TNIK: variants seen among roughly 807,000 people sequenced by gnomAD.
TNIK encodes TRAF2 and NCK interacting kinase, also known as TRAF2 and NCK-interacting protein kinase.
A neutral mutation model predicts 191.3 loss-of-function variants in TNIK; 49 were observed. The observed-to-expected ratio is 0.26, with a 90% CI of 0.20 to 0.32. The LOEUF is 0.32. Ranked by LOEUF, TNIK falls within the 10% of genes least tolerant of loss-of-function variation. The probability of loss-of-function intolerance (pLI) is 1.00; values close to 1 mark genes in which losing one functional copy is unlikely to be tolerated. For synonymous variants in TNIK, 594 were observed against 600.9 expected, an observed-to-expected ratio of 0.99 and a Z score of 0.17; for missense variants, 1,155 against 1,702.3, an observed-to-expected ratio of 0.68 and a Z score of 5.66.
chr3:171,143,218 G>T (rs1731091900), intron 12 of TNIK, among the ~76,000 whole-genome samples: 1 of 152,168 alleles, frequency 6.6e-6, no homozygotes, highest in Non-Finnish European at 1.5e-5. Context: ...CCTTCTGAGG[G>T]CACCCTGCCA....
In TNIK at chr3:171,209,753, C is replaced by G. The variant is rs150733389; in HGVS notation, c.306+1363G>C. ...GATGAGCCTTATGGAAAAAAAAAAT[C>G]CCAATGGTTCTTTTCATTTCCAAAG... On this transcript the variant is annotated intron_variant, in intron 4 of 32. Transcript: ENST00000436636. 2.5e-3 allele frequency among the ~76,000 whole-genome samples: 376 copies of G among 152,024 alleles called. 1 individual carries two copies. The highest frequency in any genetic ancestry group is 8.3e-3 in the African/African-American group (346 of 41,494).
At position 171,128,089 on chromosome 3, in the gene TNIK, C is replaced by T. The variant is rs571493499; in HGVS notation, c.1773+625G>A. Among the ~76,000 whole-genome samples, 5 of 152,258 alleles carry T rather than the reference C, an allele frequency of 3.3e-5. No homozygotes were observed. The South Asian group carries it at 8.3e-4, about 25-fold the overall frequency. ...CCCTATAGCTTTTAATAGTTGTTCT[C>T]AAACTCTAAAGTACATTAGAATCAC... On this transcript the variant is annotated intron_variant, in intron 16 of 32. Transcript: ENST00000436636.
intron 26 of TNIK, 80 bp from the exon 27 acceptor site, chr3:171,082,474 G>A: frequency 6.6e-7 from 1 of 1,514,518 alleles, no homozygotes; most frequent in Non-Finnish European, 8.9e-7. Flanking sequence ...TAAAATTTAA[G>A]AAACTGTGAC....
intron 2 of TNIK, among the ~76,000 whole-genome samples, chr3:171,325,043 A>G (rs1370501329): frequency 6.6e-6 from 1 of 152,020 alleles, no homozygotes; most frequent in African/African-American, 2.4e-5. Context: ...GGAGCTTGCA[A>G]TGAGCTGAGA....
At chr3:171,130,472 A>T (rs139192722) in intron 15 of TNIK, among the ~76,000 whole-genome samples, 1 of 152,338 alleles carries the variant, frequency 6.6e-6, no homozygotes, top group Admixed American at 6.5e-5. Flanking sequence ...AAACCAGAAC[A>T]TGTGTACTTT....
chr3:171,431,185 A>G (rs1042740568), intron 1 of TNIK, among the ~76,000 whole-genome samples: 5 of 152,110 alleles, frequency 3.3e-5, no homozygotes, highest in Admixed American at 3.3e-4. Context: ...CCTACATAAA[A>G]AGGAAAATAA....
At chr3:171,161,747 T>C (rs889737610) in intron 10 of TNIK, among the ~76,000 whole-genome samples, 2 of 151,336 alleles carry the variant, frequency 1.3e-5, no homozygotes, top group Non-Finnish European at 2.9e-5. Context: ...CAAAACCCCG[T>C]CTCTACTAAA....
chr3:171,344,880 A>G (rs1711912398), intron 2 of TNIK, among the ~76,000 whole-genome samples: 2 of 152,176 alleles, frequency 1.3e-5, no homozygotes, highest in South Asian at 4.1e-4. Context: ...TTTGCAACAC[A>G]GTTCTCATAA....
At chr3:171,119,625 A>G (rs1279971990) in intron 18 of TNIK, among the ~76,000 whole-genome samples, 2 of 152,212 alleles carry the variant, frequency 1.3e-5, no homozygotes, top group African/African-American at 4.8e-5. Context: ...ATAAAAAATG[A>G]TAAGTTCATG....
At chr3:171,357,931 T>G (rs1338626122) in intron 2 of TNIK, among the ~76,000 whole-genome samples, 1 of 152,080 alleles carries the variant, frequency 6.6e-6, no homozygotes, top group Non-Finnish European at 1.5e-5. Flanking sequence ...CATAGGAACC[T>G]GTGACTGGGG....
At chr3:171,218,478 A>G (rs1741732949) in intron 3 of TNIK, among the ~76,000 whole-genome samples, 1 of 151,932 alleles carries the variant, frequency 6.6e-6, no homozygotes, top group South Asian at 2.1e-4. Flanking sequence ...TATATCTTCA[A>G]GGATCCTAGA....
intron 2 of TNIK, among the ~76,000 whole-genome samples, chr3:171,276,495 G>A (rs555588431): frequency 6.6e-6 from 1 of 152,206 alleles, no homozygotes; most frequent in East Asian, 1.9e-4. Flanking sequence ...AATGGCATTT[G>A]GAAATTCCAT....
chr3:171,173,841 G>A (rs1331822437), intron 9 of TNIK, among the ~76,000 whole-genome samples: 1 of 152,092 alleles, frequency 6.6e-6, no homozygotes, highest in South Asian at 2.1e-4. Flanking sequence ...CCTAGCAGAG[G>A]GCTTTGTAGT....
At chr3:171,390,434 A>G (rs1175215647) in intron 1 of TNIK, among the ~76,000 whole-genome samples, 4 of 152,138 alleles carry the variant, frequency 2.6e-5, no homozygotes, top group Non-Finnish European at 5.9e-5. Context: ...ACCACCTTCG[A>G]TCTCTTTTTA....
chr3:171,440,766 T>C (rs1483394469), intron 1 of TNIK, among the ~76,000 whole-genome samples: 1 of 152,146 alleles, frequency 6.6e-6, no homozygotes, highest in Non-Finnish European at 1.5e-5. Flanking sequence ...AATGAACAAA[T>C]GGCACATTAT....
chr3:171,150,551 TTGG>T (rs1417504188), intron 12 of TNIK, among the ~76,000 whole-genome samples: 1 of 152,216 alleles, frequency 6.6e-6, no homozygotes, highest in Non-Finnish European at 1.5e-5. Flanking sequence ...ATGCAGCCAC[TTGG>T]TGGCAATGAT....
chr3:171,405,070 T>C (rs1371090336), intron 1 of TNIK, among the ~76,000 whole-genome samples: 1 of 152,196 alleles, frequency 6.6e-6, no homozygotes, highest in Admixed American at 6.5e-5. Context: ...ATAGTTCTTC[T>C]AGGTAGATAC....
chr3:171,401,281 A>G (rs1720922435), intron 1 of TNIK, among the ~76,000 whole-genome samples: 1 of 152,020 alleles, frequency 6.6e-6, no homozygotes, highest in African/African-American at 2.4e-5. Flanking sequence ...CTCCTGTGGC[A>G]ATTTTACAGC....
chr3:171,200,843 T>C (rs536607934), intron 4 of TNIK, among the ~76,000 whole-genome samples: 1 of 152,350 alleles, frequency 6.6e-6, no homozygotes, highest in South Asian at 2.1e-4. Context: ...TTATTGGTTT[T>C]AAGTTCCTGT....
Sources: gnomAD v4.1 joint callset for allele counts (sites outside exome capture counted in the v4.1 genomes callset) on GRCh38, gnomAD v4.1.1 for gene constraint, MANE v1.5 for transcripts, NCBI Gene and HGNC (gene_info 2026-07-23, HGNC 2026-07-21) for gene names.